BUB1B: variants seen among roughly 807,000 people sequenced by gnomAD.
BUB1B encodes the protein mitotic checkpoint serine/threonine-protein kinase BUB1 beta.
A neutral mutation model predicts 137.7 loss-of-function variants in BUB1B; 86 were observed. That is an observed-to-expected ratio of 0.62 (90% confidence interval 0.52 to 0.75). BUB1B has a LOEUF of 0.75. Among genes scored for constraint, BUB1B ranks in the 30% least tolerant of loss-of-function variants. The probability of loss-of-function intolerance (pLI) is 0.00; values close to 1 mark genes in which losing one functional copy is unlikely to be tolerated. For synonymous variants in BUB1B, 420 were observed against 417.9 expected (o/e 1.00, Z -0.06); for missense variants, 1,130 against 1,236.9 (o/e 0.91, Z 1.30).
chr15:40,184,309 G>A (rs73389540), intron 6 of BUB1B, among the ~76,000 whole-genome samples: 8,263 of 151,538 alleles, frequency 0.055, 736 homozygotes, highest in African/African-American at 0.19. Flanking sequence ...TAATTAACAT[G>A]GACTTTTTTT....
Position 40,220,599 on chromosome 15 carries a change from T to A in BUB1B, c.2993T>A (p.Val998Glu). Residue 998 changes from valine to glutamate, a missense_variant, in exon 23 of 23, where the codon GTG becomes GAG. Coordinates refer to ENST00000287598, the MANE Select transcript of BUB1B (RefSeq NM_001211.6). ...GGTGAATTGTGGAATAAATTCTTTG[T>A]GCGGATTCTGAATGCCAATGATGAG... ...KDGELWNKFF[V>E]RILNANDEAT... 1 of 1,614,214 alleles carries A rather than the reference T, an allele frequency of 6.2e-7. No homozygotes were observed. Among genetic ancestry groups the A allele is most frequent in the Non-Finnish European group, 8.5e-7 (1 of 1,180,030 alleles).
chr15:40,162,118 A>G (rs1460092645), intron 1 of BUB1B, among the ~76,000 whole-genome samples: 2 of 152,186 alleles, frequency 1.3e-5, no homozygotes, highest in Non-Finnish European at 2.9e-5. Flanking sequence ...GGTGCAATTT[A>G]ACTTGAACAC....
chr15:40,217,318 G>A (rs1440103739), intron 20 of BUB1B, 178 bp from the exon 21 acceptor site: 13 of 646,268 alleles, frequency 2.0e-5, no homozygotes, highest in Middle Eastern at 4.1e-4. Context: ...CATTCCTTCC[G>A]CATTGGGTGG....
At chr15:40,210,034 T>G (rs750631195) in intron 17 of BUB1B, 76 bp from the exon 18 acceptor site, 12 of 1,261,338 alleles carry the variant, frequency 9.5e-6, no homozygotes, top group Admixed American at 1.7e-5. Context: ...CCTCTATCCC[T>G]TAAACCAGGA....
intron 8 of BUB1B, among the ~76,000 whole-genome samples, chr15:40,196,019 G>A (rs1010716706): frequency 2.0e-5 from 3 of 152,022 alleles, no homozygotes; most frequent in Non-Finnish European, 4.4e-5. Flanking sequence ...TTTTTGTTGC[G>A]TTTGCTTTTG....
At chr15:40,173,937 A>G (rs1366662987) in intron 4 of BUB1B, 1 of 436,202 alleles carries the variant, frequency 2.3e-6, no homozygotes, top group Non-Finnish European at 4.5e-6. Context: ...CTAGCTAAGG[A>G]AAAAATTGTT....
chr15:40,218,522 T>G lies in BUB1B; in HGVS notation c.2917T>G (p.Trp973Gly). 6.2e-7 allele frequency: 1 copy of G among 1,614,146 alleles called. No individual in the cohort carries two copies. The highest frequency in any genetic ancestry group is 2.2e-5 in the East Asian group (1 of 44,874). ...GTTCAAGGAACACCTACAGGTCTTC[T>G]GGGATGGGTCCTTCTGGAAACTTAG... ...LLFKEHLQVFWDGSFWKLSQN... is the reference protein window; with the variant it reads ...LLFKEHLQVFGDGSFWKLSQN... The change falls in exon 22 of 23, where the codon TGG (tryptophan) becomes GGG (glycine). Residue 973 changes from tryptophan to glycine, a missense_variant. Physicochemically the swap from Trp to Gly is radical, Grantham distance 184. Transcript: ENST00000287598.
rs141013408 is a variant in BUB1B, at chr15:40,199,697, A to G, written c.1371A>G (p.Gln457=). The change falls in exon 10 of 23, where the codon CAA becomes CAG. Residue 457 remains glutamine, a synonymous_variant. Coordinates refer to ENST00000287598, the MANE Select transcript of BUB1B (RefSeq NM_001211.6). ...EEMEKKLKEI[Q]TTQQERTGDQ... The stretch of plus-strand genomic sequence containing the variant: ...TGGAGAAGAAGCTAAAAGAAATCCA[A>G]ACTACTCAGCAAGAAAGAACAGGTG... 133 of 1,613,908 alleles carry G rather than the reference A, an allele frequency of 8.2e-5. No individual in the cohort carries two copies. The African/African-American group carries it at 1.2e-3, about 15-fold the overall frequency.
chr15:40,185,367 C>A lies in BUB1B; in HGVS notation c.954C>A (p.Ser318=), dbSNP rs556678544. Residue 318 remains serine, a synonymous_variant, in exon 7 of 23, where the codon TCC becomes TCA. Coordinates refer to ENST00000287598, the MANE Select transcript of BUB1B (RefSeq NM_001211.6). ...LQAGPWNTGR[S]LEHRPRGNTA... ...CAGGCCCTTGGAACACAGGCAGGTC[C>A]TTGGAACACAGGGTAAGGACTCTTA... is the stretch of plus-strand genomic sequence containing the variant. The A allele has an allele frequency of 6.2e-6, 10 of 1,614,116 alleles. No homozygotes were observed. The highest frequency in any genetic ancestry group is 3.3e-5 in the South Asian group (3 of 91,082).
In BUB1B at chr15:40,200,302, A is replaced by G. The variant is rs772230439; in HGVS notation, c.1460A>G (p.Gln487Arg). 2 of 1,614,034 alleles carry G rather than the reference A, an allele frequency of 1.2e-6. No individual in the cohort carries two copies. Among genetic ancestry groups the G allele is most frequent in the East Asian group, 2.2e-5 (1 of 44,848 alleles). ...AAACTGCAAATTGCTTCCGAGTCTCAGAAAATACCAGGAATGACTCTATCC... is the reference window on the plus strand; with the variant it reads ...AAACTGCAAATTGCTTCCGAGTCTCGGAAAATACCAGGAATGACTCTATCC... ...TTKLQIASES[Q>R]KIPGMTLSSS... Residue 487 changes from glutamine (Q) to arginine (R), a missense_variant, in exon 11 of 23, where the codon CAG becomes CGG. Coordinates refer to ENST00000287598, the MANE Select transcript of BUB1B (RefSeq NM_001211.6).
intron 4 of BUB1B, among the ~76,000 whole-genome samples, chr15:40,174,912 C>T (rs552876287): frequency 9.9e-5 from 15 of 152,168 alleles, no homozygotes; most frequent in East Asian, 3.9e-4. Flanking sequence ...TGCAGTGAGG[C>T]GAGATCGCGC....
At chr15:40,199,834 G>A in intron 10 of BUB1B, 107 bp downstream of exon 10, 1 of 904,850 alleles carries the variant, frequency 1.1e-6, no homozygotes. Context: ...TAGAGTTTCT[G>A]GTAGTTTCTT....
intron 4 of BUB1B, 85 bp downstream of exon 4, chr15:40,170,766 G>A: frequency 1.5e-6 from 2 of 1,356,078 alleles, no homozygotes; most frequent in Non-Finnish European, 1.0e-6. Context: ...CAAAAAAAAA[G>A]TAAAACAGCC....
intron 6 of BUB1B, 113 bp downstream of exon 6, chr15:40,183,996 T>A: frequency 8.7e-7 from 1 of 1,154,780 alleles, no homozygotes; most frequent in Non-Finnish European, 1.3e-6. Context: ...GAATACTGAG[T>A]AGCAAAAAGA....
chr15:40,169,101 AT>A (rs1360691943), intron 2 of BUB1B, among the ~76,000 whole-genome samples: 16 of 152,188 alleles, frequency 1.1e-4, no homozygotes. Context: ...ATTAATCATT[AT>A]CCAAATTCTG....
At position 40,218,495 on chromosome 15, in the gene BUB1B, T is replaced by G; in HGVS notation, c.2890T>G (p.Leu964Val). 1 of 1,614,104 alleles carries G rather than the reference T, an allele frequency of 6.2e-7. No individual in the cohort carries two copies. Among genetic ancestry groups the G allele is most frequent in the Non-Finnish European group, 8.5e-7 (1 of 1,179,978 alleles). The change falls in exon 22 of 23, where the codon TTG becomes GTG. Residue 964 changes from leucine to valine, a missense_variant. Transcript: ENST00000287598. ...FGIADLAHLL[L>V]FKEHLQVFWD... ...TATAGCAGATTTAGCACATTTACTA[T>G]TGTTCAAGGAACACCTACAGGTCTT...
Position 40,183,887 on chromosome 15 carries a change from A to G in BUB1B, c.751+4A>G, listed in dbSNP as rs1248348421. ...CGTGTAGGAGGTGCTCTCAAGGGTAAGTTTGTTAAACGTTATTTCGGAAAA... is the reference window on the plus strand; with the variant it reads ...CGTGTAGGAGGTGCTCTCAAGGGTAGGTTTGTTAAACGTTATTTCGGAAAA... On this transcript the variant is annotated splice_donor_region_variant and intron_variant, in intron 6 of 22. Transcript: ENST00000287598. 2.9e-5 allele frequency: 47 copies of G among 1,613,784 alleles called. No homozygotes were observed. The highest frequency in any genetic ancestry group is 3.8e-5 in the Non-Finnish European group (45 of 1,179,860).
intron 9 of BUB1B, among the ~76,000 whole-genome samples, chr15:40,198,358 A>G (rs1299125681): frequency 6.6e-6 from 1 of 151,968 alleles, no homozygotes; most frequent in Non-Finnish European, 1.5e-5. Context: ...GATTATAGGC[A>G]TGAGCCACCA....
intron 2 of BUB1B, 22 bp downstream of exon 2, chr15:40,165,218 C>T (rs577602320): frequency 6.2e-7 from 1 of 1,614,070 alleles, no homozygotes; most frequent in Non-Finnish European, 8.5e-7. Context: ...GGCTGAGTCT[C>T]AACCTGTCGT....
Sources: allele counts gnomAD v4.1 joint callset (sites outside exome capture counted in the v4.1 genomes callset), GRCh38; gene constraint gnomAD v4.1.1; transcripts MANE v1.5; gene names NCBI Gene and HGNC (gene_info 2026-07-23, HGNC 2026-07-21).